APBA1: variants seen among roughly 807,000 people sequenced by gnomAD.
The protein encoded by APBA1 is amyloid beta precursor protein binding family A member 1.
Under a neutral mutation model 86.6 loss-of-function variants are expected in APBA1, and 55 were observed. That is an observed-to-expected ratio of 0.64 (90% CI 0.51 to 0.80). The LOEUF is 0.80. Among genes scored for constraint, APBA1 ranks in the 30% least tolerant of loss-of-function variants. The probability of loss-of-function intolerance (pLI) is 0.00; values close to 1 mark genes in which losing one functional copy is unlikely to be tolerated. For synonymous variants in APBA1, 511 were observed against 493.9 expected, an observed-to-expected ratio of 1.03 and a Z score of -0.46; for missense variants, 1,090 against 1,183.0, an observed-to-expected ratio of 0.92 and a Z score of 1.15.
At chr9:69,588,141 G>A (rs1024064737) in intron 1 of APBA1, among the ~76,000 whole-genome samples, 1 of 152,084 alleles carries the variant, frequency 6.6e-6, no homozygotes, top group Non-Finnish European at 1.5e-5. Flanking sequence ...ACAGATACCT[G>A]ATATGCAAAG....
chr9:69,658,304 CTCTTTCTTTCTT>C lies in APBA1; in HGVS notation c.-70+13837_-70+13848del, dbSNP rs202185776. 1.9e-3 allele frequency among the ~76,000 whole-genome samples: 149 copies of C among 80,012 alleles called. 4 individuals are homozygous for C. Among genetic ancestry groups the C allele is most frequent in the African/African-American group, 6.7e-3 (140 of 20,888 alleles). The allele number at this position is 80,012 out of a possible 152,430, so 52.5% of individuals were successfully genotyped here. A position where few individuals can be genotyped will look rare whatever the true frequency, so the allele number is the denominator to read the frequency against. ...TCTTTCTCTCTCTCTTTCTCTCTCTCTCTTTCTTTCTTTCTTTCTTTCTTTCTTTCTTTCTTT... is the reference window on the plus strand; with the variant it reads ...TCTTTCTCTCTCTCTTTCTCTCTCTCTCTTTCTTTCTTTCTTTCTTTCTTT... On this transcript the variant is annotated intron_variant, in intron 1 of 12. Coordinates refer to ENST00000265381, the MANE Select transcript of APBA1 (RefSeq NM_001163.4).
intron 1 of APBA1, among the ~76,000 whole-genome samples, chr9:69,648,176 T>C (rs1347943670): frequency 6.6e-5 from 10 of 152,214 alleles, no homozygotes; most frequent in Non-Finnish European, 1.5e-4. Flanking sequence ...TACTAGACTC[T>C]TGGCTACAAC....
At chr9:69,635,121 G>A (rs1376377039) in intron 1 of APBA1, among the ~76,000 whole-genome samples, 1 of 152,062 alleles carries the variant, frequency 6.6e-6, no homozygotes, top group Admixed American at 6.5e-5. Flanking sequence ...ATCTTGAGTA[G>A]AAAGACTAAA....
At chr9:69,603,296 T>C (rs554509881) in intron 1 of APBA1, among the ~76,000 whole-genome samples, 42 of 152,330 alleles carry the variant, frequency 2.8e-4, no homozygotes, top group Middle Eastern at 3.4e-3. Context: ...CCCCAGTCAA[T>C]GATACCTTTA....
intron 1 of APBA1, among the ~76,000 whole-genome samples, chr9:69,651,320 A>G (rs1036062671): frequency 1.2e-4 from 18 of 152,174 alleles, no homozygotes; most frequent in Non-Finnish European, 2.2e-4. Context: ...AATGTTCTAG[A>G]TCTTGATCTG....
intron 1 of APBA1, among the ~76,000 whole-genome samples, chr9:69,658,569 A>ATTTTTT (rs71356125): frequency 7.1e-6 from 1 of 140,972 alleles, no homozygotes. Flanking sequence ...TGCCCAGCTA[A>ATTTTTT]TTTTTTTTTT....
intron 1 of APBA1, among the ~76,000 whole-genome samples, chr9:69,635,225 G>GTTAAAGCA (rs1297259790): frequency 6.6e-6 from 1 of 152,142 alleles, no homozygotes; most frequent in Admixed American, 6.6e-5. Flanking sequence ...AGGGGATGAA[G>GTTAAAGCA]TTAAAGCATA....
intron 1 of APBA1, among the ~76,000 whole-genome samples, chr9:69,594,884 T>C (rs1822199324): frequency 6.6e-6 from 1 of 152,144 alleles, no homozygotes; most frequent in African/African-American, 2.4e-5. Flanking sequence ...CTGTTACTAG[T>C]GTTAGGCAAG....
chr9:69,613,000 A>C (rs1822619665), intron 1 of APBA1, among the ~76,000 whole-genome samples: 1 of 152,144 alleles, frequency 6.6e-6, no homozygotes, highest in Non-Finnish European at 1.5e-5. Context: ...TTATTTAAGA[A>C]AGAAAATGTA....
chr9:69,476,178 T>G (rs371081962), intron 2 of APBA1, 35 bp from the exon 3 acceptor site: 2 of 1,519,316 alleles, frequency 1.3e-6, no homozygotes, highest in African/African-American at 2.7e-5. Flanking sequence ...AGTGAGAACT[T>G]GAGAGACTCG....
intron 1 of APBA1, among the ~76,000 whole-genome samples, chr9:69,545,247 T>C (rs1296941805): frequency 1.3e-5 from 2 of 152,236 alleles, no homozygotes; most frequent in East Asian, 3.9e-4. Flanking sequence ...AAAATTAAAA[T>C]GGAGAAAGAA....
chr9:69,471,623 C>T (rs776053030), intron 4 of APBA1, 33 bp downstream of exon 4: 2 of 1,592,614 alleles, frequency 1.3e-6, no homozygotes, highest in Non-Finnish European at 1.7e-6. Flanking sequence ...TCATGAATGA[C>T]TCAGTGCTCA....
chr9:69,561,416 C>A (rs1426935564), intron 1 of APBA1, among the ~76,000 whole-genome samples: 1 of 152,124 alleles, frequency 6.6e-6, no homozygotes, highest in Admixed American at 6.5e-5. Flanking sequence ...AAAAGTGATA[C>A]CATTGTTATG....
chr9:69,452,124 C>G lies in APBA1; in HGVS notation c.1966G>C (p.Asp656His). 6.2e-7 allele frequency: 1 copy of G among 1,613,964 alleles called. No individual in the cohort carries two copies. Among genetic ancestry groups the G allele is most frequent in the Non-Finnish European group, 8.5e-7 (1 of 1,179,892 alleles). Residue 656 changes from aspartate (D) to histidine (H), a missense_variant and splice_region_variant, in exon 9 of 13, where the codon GAT becomes CAT. Asp to His is a moderately conservative substitution (Grantham distance 81, BLOSUM62 -1). Around this residue, in one of 6 missense-constraint regions of APBA1, gnomAD observed 97 missense variants for 166.8 expected, o/e 0.58. Transcript: ENST00000265381. ...AACAGCTTCAGGTAAGTACCCACAT[C>G]TTTACAGTTTTCCGACTTGGAGAAG... Reference protein sequence around the residue: ...IHFSKSENCKDVFIEKQKGEI... With the variant: ...IHFSKSENCKHVFIEKQKGEI...
At chr9:69,477,068 C>CGG (rs1835461028) in intron 2 of APBA1, among the ~76,000 whole-genome samples, 2 of 152,350 alleles carry the variant, frequency 1.3e-5, no homozygotes, top group South Asian at 2.1e-4. Context: ...AAGGAATCCT[C>CGG]AGGTGAGCCA....
chr9:69,490,832 T>C (rs145966429), intron 2 of APBA1, among the ~76,000 whole-genome samples: 22,810 of 152,040 alleles, frequency 0.15, 2,316 homozygotes, highest in East Asian at 0.28. Context: ...GACATTTATG[T>C]AGCCAAAAGA....
chr9:69,620,125 T>G (rs747318510), intron 1 of APBA1, among the ~76,000 whole-genome samples: 2 of 152,214 alleles, frequency 1.3e-5, no homozygotes, highest in Non-Finnish European at 2.9e-5. Context: ...TGCCTCTTCC[T>G]CCCTCACCAC....
intron 1 of APBA1, among the ~76,000 whole-genome samples, chr9:69,629,215 T>A (rs1262609413): frequency 6.6e-6 from 1 of 152,182 alleles, no homozygotes; most frequent in Admixed American, 6.5e-5. Flanking sequence ...AATGCCAGCA[T>A]CAAGTATTTA....
At chr9:69,511,763 G>A (rs1836046705) in intron 2 of APBA1, among the ~76,000 whole-genome samples, 1 of 151,966 alleles carries the variant, frequency 6.6e-6, no homozygotes, top group African/African-American at 2.4e-5. Flanking sequence ...ATGAGTTCAT[G>A]TCCTTTGTAG....
Sources: gnomAD v4.1 joint callset for allele counts (sites outside exome capture counted in the v4.1 genomes callset) on GRCh38, gnomAD v4.1.1 for gene constraint, gnomAD v4.1.1 regional missense constraint, MANE v1.5 for transcripts, NCBI Gene and HGNC (gene_info 2026-07-23, HGNC 2026-07-21) for gene names.